The following RASL12 variants were observed in gnomAD, a reference collection of about 807,000 sequenced individuals.
RASL12 encodes RAS like family 12, also known as ras-like protein family member 12.
In RASL12, 16 loss-of-function variants were observed where a neutral mutation model predicts 22.9. The ratio of observed to expected loss-of-function variants is 0.70; its 90% CI spans 0.47 to 1.06. RASL12 has a LOEUF of 1.06. Ranked by LOEUF, RASL12 falls within the 50% of genes least tolerant of loss-of-function variation. The pLI, the probability that RASL12 is intolerant of heterozygous loss-of-function variation, is 0.00. For synonymous variants in RASL12, 159 were observed against 152.2 expected (o/e 1.04, Z -0.33); for missense variants, 306 against 353.1 (o/e 0.87, Z 1.07).
At chr15:65,075,102 G>A (rs1295406907) in intron 1 of RASL12, among the ~76,000 whole-genome samples, 2 of 152,348 alleles carry the variant, frequency 1.3e-5, no homozygotes, top group African/African-American at 4.8e-5. Flanking sequence ...TGGGCTTGGC[G>A]GGCCCCGCAC....
rs374440766 is a variant in RASL12, at chr15:65,055,169, G to A, written c.531C>T (p.His177=). 3.5e-5 allele frequency: 57 copies of A among 1,612,604 alleles called. No homozygotes were observed. The highest frequency in any genetic ancestry group is 4.1e-5 in the Non-Finnish European group (48 of 1,179,770). The change falls in exon 5 of 5, where the codon CAC becomes CAT. Residue 177 remains histidine, a synonymous_variant. Coordinates refer to ENST00000220062, the MANE Select transcript of RASL12 (RefSeq NM_016563.4). ...LDFEHVQHVF[H]EAVREARREL... ...CCCGCCGTGCCTCTCGCACTGCCTC[G>A]TGGAAGACATGCTGCACGTGCTCAA...
chr15:65,050,925 AG>A (rs1253994630), downstream of RASL12, among the ~76,000 whole-genome samples: 17 of 145,394 alleles, frequency 1.2e-4, no homozygotes, highest in Non-Finnish European at 4.5e-5. Flanking sequence ...GCTCACTGCA[AG>A]CTCTGCCTCC....
At chr15:65,064,776 T>TA (rs772450810) in intron 2 of RASL12, among the ~76,000 whole-genome samples, 19 of 152,034 alleles carry the variant, frequency 1.2e-4, no homozygotes, top group Non-Finnish European at 2.2e-4. Flanking sequence ...TTTGTATTTT[T>TA]AGAGACGGAG....
In RASL12 at chr15:65,054,581, G is replaced by A; in HGVS notation, c.*318C>T. The A allele has an allele frequency of 5.3e-6, 6 of 1,139,472 alleles. No individual in the cohort carries two copies. The highest frequency in any genetic ancestry group is 4.6e-5 in the East Asian group (1 of 21,708). The allele number at this position is 1,139,472 out of a possible 1,614,324, so 70.6% of individuals were successfully genotyped here. A position where few individuals can be genotyped will look rare whatever the true frequency, so the allele number is the denominator to read the frequency against. ...GCCCAACTGTAGCTGGAGCAGGAAG[G>A]GCTGATGGCAGCAGGATAGACACTG... is the stretch of plus-strand genomic sequence containing the variant. On this transcript the variant is annotated 3_prime_UTR_variant, in exon 5 of 5. Coordinates refer to ENST00000220062, the MANE Select transcript of RASL12 (RefSeq NM_016563.4).
chr15:65,067,724 G>T lies in RASL12; in HGVS notation c.103+9C>A. The T allele has an allele frequency of 6.5e-7, 1 of 1,549,046 alleles. No individual in the cohort carries two copies. The highest frequency in any genetic ancestry group is 8.7e-7 in the Non-Finnish European group (1 of 1,150,150). ...CACTTGGCGGCTCAGGCTCCCCGGC[G>T]CCACTCACCAGACTTGCCAGCCCCG... On this transcript the variant is annotated intron_variant, in intron 1 of 4. Coordinates refer to ENST00000220062, the MANE Select transcript of RASL12 (RefSeq NM_016563.4).
chr15:65,069,072 G>A (rs2086912975), upstream of RASL12, among the ~76,000 whole-genome samples: 1 of 152,094 alleles, frequency 6.6e-6, no homozygotes, highest in African/African-American at 2.4e-5. Context: ...TCCCCTTCCC[G>A]CAGATGGTTA....
intron 1 of RASL12, among the ~76,000 whole-genome samples, chr15:65,075,109 G>A (rs1339272702): frequency 1.3e-5 from 2 of 152,222 alleles, no homozygotes; most frequent in Admixed American, 6.5e-5. Flanking sequence ...GGCGGGCCCC[G>A]CACTCGGAGC....
chr15:65,048,439 C>T (rs2086605194), downstream of RASL12, among the ~76,000 whole-genome samples: 1 of 152,190 alleles, frequency 6.6e-6, no homozygotes, highest in Admixed American at 6.5e-5. Flanking sequence ...TGTTTGCCAT[C>T]TAGCTGTTTT....
downstream of RASL12, among the ~76,000 whole-genome samples, chr15:65,052,399 CTTTTT>C (rs34021026): frequency 1.0e-4 from 8 of 76,354 alleles, no homozygotes; most frequent in African/African-American, 2.5e-4. Flanking sequence ...GCATCCTTGG[CTTTTT>C]TTTTTTTTTT....
intron 4 of RASL12, among the ~76,000 whole-genome samples, chr15:65,056,874 T>C (rs549317593): frequency 6.6e-6 from 1 of 152,324 alleles, no homozygotes; most frequent in African/African-American, 2.4e-5. Context: ...ATCAGCTTCA[T>C]TTGAGCATGT....
chr15:65,053,133 T>C (rs1273365416), downstream of RASL12: 2 of 1,614,030 alleles, frequency 1.2e-6, no homozygotes, highest in Non-Finnish European at 1.7e-6. Flanking sequence ...CTGTCAGTTT[T>C]CCTTCCGGAT....
downstream of RASL12, chr15:65,050,181 T>G: frequency 9.0e-7 from 1 of 1,109,864 alleles, no homozygotes; most frequent in South Asian, 1.5e-5. Flanking sequence ...GTCCTGACAC[T>G]GTCGTCCCCT....
chr15:65,064,763 A>AT (rs1286429675), intron 2 of RASL12, among the ~76,000 whole-genome samples: 1 of 151,884 alleles, frequency 6.6e-6, no homozygotes, highest in Non-Finnish European at 1.5e-5. Context: ...TGCCCAGCTA[A>AT]TTTTTGTATT....
the RASL12 span, among the ~76,000 whole-genome samples, chr15:65,047,801 A>C: frequency 1.6e-5 from 1 of 60,988 alleles, no homozygotes; most frequent in African/African-American, 5.3e-5. Context: ...TAGATGATAG[A>C]TAGATAGATA....
In RASL12 at chr15:65,067,858, C is replaced by T; in HGVS notation, c.-23G>A. 6.8e-7 allele frequency: 1 copy of T among 1,476,200 alleles called. No homozygotes were observed. 91.4% of individuals were successfully genotyped at this position (1,476,200 alleles called of 1,614,324 possible). On this transcript the variant is annotated 5_prime_UTR_variant, in exon 1 of 5. Coordinates refer to ENST00000220062, the MANE Select transcript of RASL12 (RefSeq NM_016563.4). Reference sequence around the variant, plus strand: ...CATGGCGACGCCCTGGACGGCCACGCAGGTCTGCGGCCGGTGGGCCCCGCG... The same window carrying T: ...CATGGCGACGCCCTGGACGGCCACGTAGGTCTGCGGCCGGTGGGCCCCGCG...
At chr15:65,075,171 A>G (rs1327606687) in intron 1 of RASL12, among the ~76,000 whole-genome samples, 1 of 152,234 alleles carries the variant, frequency 6.6e-6, no homozygotes, top group African/African-American at 2.4e-5. Flanking sequence ...CACCCGGGCC[A>G]GTGGCTGCGG....
At position 65,065,365 on chromosome 15, in the gene RASL12, A is replaced by T. The variant is rs1595908528; in HGVS notation, c.104-92T>A. The T allele has an allele frequency of 2.5e-6, 3 of 1,197,990 alleles. No individual in the cohort carries two copies. The East Asian group carries it at 7.7e-5, about 31-fold the overall frequency. 74.2% of individuals were successfully genotyped at this position (1,197,990 alleles called of 1,614,324 possible). A position where few individuals can be genotyped will look rare whatever the true frequency, so the allele number is the denominator to read the frequency against. On this transcript the variant is annotated intron_variant, in intron 1 of 4. Transcript: ENST00000220062. Reference sequence around the variant, plus strand: ...AGGGAGGCCTTATCTAACCTCTGTGATCCCCGGCTGACACCAAGCTCAGCT... The same window carrying T: ...AGGGAGGCCTTATCTAACCTCTGTGTTCCCCGGCTGACACCAAGCTCAGCT...
Position 65,053,788 on chromosome 15 carries a change from C to T in RASL12, c.*1111G>A. 2 of 986,134 alleles carry T rather than the reference C, an allele frequency of 2.0e-6. No homozygotes were observed. Among genetic ancestry groups the T allele is most frequent in the Non-Finnish European group, 2.4e-6 (2 of 830,218 alleles). The allele number at this position is 986,134 out of a possible 1,614,324, so 61.1% of individuals were successfully genotyped here. ...AATCAGACAACTACCACACTGCCTG[C>T]CTTGGACAGCCTTTTCTTGCTAACA... On this transcript the variant is annotated 3_prime_UTR_variant, in exon 5 of 5. Transcript: ENST00000220062.
Position 65,065,167 on chromosome 15 carries a change from C to A in RASL12, c.160+50G>T, listed in dbSNP as rs1186965170. ...ACCCACGGGGTGGGTCCCAGGAGAG[C>A]ACTCCAGATGGGGCACAGGCAGCAG... On this transcript the variant is annotated intron_variant, in intron 2 of 4. Transcript: ENST00000220062. 3 of 1,577,918 alleles carry A rather than the reference C, an allele frequency of 1.9e-6. No homozygotes were observed. In the South Asian group the frequency reaches 3.4e-5, roughly 18 times the overall value.
Sources: gnomAD v4.1 joint callset for allele counts (sites outside exome capture counted in the v4.1 genomes callset) on GRCh38, gnomAD v4.1.1 for gene constraint, MANE v1.5 for transcripts, NCBI Gene and HGNC (gene_info 2026-07-23, HGNC 2026-07-21) for gene names.